Variants in PITPNC1 observed in about 807,000 individuals in gnomAD.
PITPNC1 encodes cytoplasmic phosphatidylinositol transfer protein 1.
In PITPNC1, 18 loss-of-function variants were observed where a neutral mutation model predicts 44.7. That is an observed-to-expected ratio of 0.40 (90% CI 0.28 to 0.60). The LOEUF is 0.60. Among genes scored for constraint, PITPNC1 ranks in the 20% least tolerant of loss-of-function variants. The pLI is 0.39. For synonymous variants in PITPNC1, 141 were observed against 149.6 expected (o/e 0.94, Z 0.42); for missense variants, 290 against 418.4 (o/e 0.69, Z 2.68).
chr17:67,575,297 A>G (rs972350332), intron 4 of PITPNC1, among the ~76,000 whole-genome samples: 3 of 152,148 alleles, frequency 2.0e-5, no homozygotes, highest in Non-Finnish European at 4.4e-5. Context: ...ATTTGAGATG[A>G]GCAGCTGCTC....
intron 1 of PITPNC1, among the ~76,000 whole-genome samples, chr17:67,427,361 CA>C (rs2038783386): frequency 6.6e-6 from 1 of 152,238 alleles, no homozygotes; most frequent in African/African-American, 2.4e-5. Flanking sequence ...CAGGCGCCCG[CA>C]ACCACGCCCG....
rs191880584 is a variant in PITPNC1 at position 67,674,943 on chromosome 17, C to A, written c.619-536C>A. Among the ~76,000 whole-genome samples the A allele has an allele frequency of 3.1e-4, 47 of 149,730 alleles. No individual in the cohort carries two copies. The East Asian group carries it at 8.9e-3, about 28-fold the overall frequency. On this transcript the variant is annotated intron_variant, in intron 7 of 8. Transcript: ENST00000581322. ...AGGAGAATTGCTTGAACCCTGGAGG[C>A]AGAGGTTGCTGTGAGCCAAGATCGC... is the stretch of plus-strand genomic sequence containing the variant.
intron 8 of PITPNC1, among the ~76,000 whole-genome samples, chr17:67,689,453 T>A (rs560607015): frequency 1.5e-4 from 23 of 152,286 alleles, no homozygotes; most frequent in African/African-American, 5.5e-4. Context: ...TCCGTGAAAT[T>A]GGAGCACATT....
intron 5 of PITPNC1, among the ~76,000 whole-genome samples, chr17:67,598,373 C>T (rs1005590979): frequency 6.6e-6 from 1 of 152,246 alleles, no homozygotes; most frequent in Admixed American, 6.5e-5. Context: ...GGTGTTCGTG[C>T]TACCAACTAA....
At chr17:67,397,200 C>T (rs998125299) in intron 1 of PITPNC1, among the ~76,000 whole-genome samples, 2 of 151,538 alleles carry the variant, frequency 1.3e-5, no homozygotes, top group African/African-American at 2.4e-5. Context: ...AGGCTGGTCT[C>T]GAACTCCTGA....
chr17:67,565,916 G>GT (rs574168938), intron 4 of PITPNC1, among the ~76,000 whole-genome samples: 10 of 151,700 alleles, frequency 6.6e-5, no homozygotes, highest in African/African-American at 2.4e-4. Flanking sequence ...GTGTATACTC[G>GT]TTTTCCATGT....
intron 1 of PITPNC1, among the ~76,000 whole-genome samples, chr17:67,523,660 C>T (rs2040356618): frequency 6.6e-6 from 1 of 152,032 alleles, no homozygotes; most frequent in Admixed American, 6.6e-5. Context: ...TTTAAAACCC[C>T]AGTGCTTTCC....
At chr17:67,507,521 C>G (rs991827259) in intron 1 of PITPNC1, among the ~76,000 whole-genome samples, 17 of 151,670 alleles carry the variant, frequency 1.1e-4, no homozygotes, top group African/African-American at 3.6e-4. Context: ...CCCATCTCCA[C>G]TAAAAATACA....
At chr17:67,519,724 C>G (rs2040302389) in intron 1 of PITPNC1, among the ~76,000 whole-genome samples, 1 of 152,170 alleles carries the variant, frequency 6.6e-6, no homozygotes, top group Non-Finnish European at 1.5e-5. Context: ...GCCTCTGGAA[C>G]CTGGAGCTTC....
intron 6 of PITPNC1, among the ~76,000 whole-genome samples, chr17:67,667,113 C>T (rs749253189): frequency 3.3e-5 from 5 of 152,296 alleles, no homozygotes; most frequent in South Asian, 2.1e-4. Flanking sequence ...CTGTAGACTC[C>T]GCTGTGTGCT....
chr17:67,620,509 A>G (rs1289306560), intron 5 of PITPNC1, among the ~76,000 whole-genome samples: 1 of 151,550 alleles, frequency 6.6e-6, no homozygotes, highest in Non-Finnish European at 1.5e-5. Flanking sequence ...CCAACCCCTC[A>G]CCCTTCTCTA....
chr17:67,435,321 T>G (rs1039649259), intron 1 of PITPNC1, among the ~76,000 whole-genome samples: 1 of 152,182 alleles, frequency 6.6e-6, no homozygotes, highest in Non-Finnish European at 1.5e-5. Context: ...CTTTTGACGT[T>G]TCTGTAACCT....
chr17:67,634,873 T>A (rs2042015391), intron 6 of PITPNC1, among the ~76,000 whole-genome samples: 1 of 152,138 alleles, frequency 6.6e-6, no homozygotes, highest in Non-Finnish European at 1.5e-5. Flanking sequence ...GCCAACAGAA[T>A]GAAACCCCAA....
At chr17:67,511,024 TA>T (rs1415439294) in intron 1 of PITPNC1, among the ~76,000 whole-genome samples, 4 of 152,120 alleles carry the variant, frequency 2.6e-5, no homozygotes, top group African/African-American at 9.7e-5. Context: ...ATGGACAATA[TA>T]TTTTTTTAGA....
intron 1 of PITPNC1, among the ~76,000 whole-genome samples, chr17:67,396,913 C>G (rs1304826584): frequency 6.6e-6 from 1 of 152,220 alleles, no homozygotes; most frequent in Non-Finnish European, 1.5e-5. Flanking sequence ...CCTCATCCTC[C>G]CAAAGTGCTG....
intron 1 of PITPNC1, among the ~76,000 whole-genome samples, chr17:67,422,808 G>A (rs2038690433): frequency 6.6e-6 from 1 of 152,148 alleles, no homozygotes; most frequent in African/African-American, 2.4e-5. Context: ...CAAAGTGCTG[G>A]GAATAAAAGT....
intron 4 of PITPNC1, among the ~76,000 whole-genome samples, chr17:67,562,266 C>A (rs1009606006): frequency 6.6e-6 from 1 of 152,120 alleles, no homozygotes; most frequent in Non-Finnish European, 1.5e-5. Context: ...GTGTAGGGTG[C>A]GGGCTGGTGA....
At chr17:67,624,932 A>C (rs549941400) in intron 5 of PITPNC1, among the ~76,000 whole-genome samples, 20 of 152,240 alleles carry the variant, frequency 1.3e-4, no homozygotes, top group Non-Finnish European at 2.2e-4. Context: ...ACTTTACAAA[A>C]AAGAGAAAAT....
chr17:67,634,241 A>G (rs577057831), intron 6 of PITPNC1, among the ~76,000 whole-genome samples: 37 of 152,032 alleles, frequency 2.4e-4, no homozygotes, highest in Non-Finnish European at 4.9e-4. Context: ...TATTCATCCA[A>G]TAAATATTTA....
Sources: allele counts gnomAD v4.1 joint callset (sites outside exome capture counted in the v4.1 genomes callset), GRCh38; gene constraint gnomAD v4.1.1; transcripts MANE v1.5; gene names NCBI Gene and HGNC (gene_info 2026-07-23, HGNC 2026-07-21).